Variants in ZC3H12B observed in about 807,000 individuals in gnomAD.
ZC3H12B encodes zinc finger CCCH-type containing 12B.
Under a neutral mutation model 43.9 loss-of-function variants are expected in ZC3H12B, and 7 were observed. That is an observed-to-expected ratio of 0.16 (90% CI 0.09 to 0.30). The LOEUF (loss-of-function observed/expected upper bound fraction) is 0.30, where lower values mean the gene tolerates loss of function less well. ZC3H12B is among the 10% of genes least tolerant of loss of function. ZC3H12B has a pLI of 1.00. For missense variants in ZC3H12B, 475 were observed against 670.2 expected (o/e 0.71, Z 3.22); for synonymous variants, 222 against 241.7 (o/e 0.92, Z 0.76).
chrX:65,119,948 G>A, the ZC3H12B span, among the ~76,000 whole-genome samples: 3 of 111,769 alleles, frequency 2.7e-5, no homozygotes, highest in African/African-American at 9.8e-5. Flanking sequence ...TCAAAGATCA[G>A]ATGGTTGTAG....
At chrX:65,189,862 A>G in the ZC3H12B span, among the ~76,000 whole-genome samples, 1 of 109,694 alleles carries the variant, frequency 9.1e-6, no homozygotes, top group Non-Finnish European at 1.9e-5. Flanking sequence ...TTGGACATGA[A>G]GTCCTTGCCC....
At chrX:65,408,258 G>A in intron 3 of ZC3H12B, 1 of 1,166,874 alleles carries the variant, frequency 8.6e-7, no homozygotes, top group Non-Finnish European at 1.2e-6. Flanking sequence ...GAAATGCAGA[G>A]GCACTATGTG....
chrX:65,102,728 CAG>C, the ZC3H12B span, among the ~76,000 whole-genome samples: 1 of 111,135 alleles, frequency 9.0e-6, no homozygotes, highest in Non-Finnish European at 1.9e-5. Flanking sequence ...TCTCAAGTAT[CAG>C]GGGAACCCGT....
intron 3 of ZC3H12B, among the ~76,000 whole-genome samples, chrX:65,450,250 G>A (rs1222584999): frequency 1.0e-5 from 1 of 99,265 alleles, no homozygotes; most frequent in African/African-American, 3.7e-5. Context: ...GTTGCAGTGA[G>A]CTGAAATCAT....
chrX:65,379,790 T>C (rs944447297), intron 2 of ZC3H12B, among the ~76,000 whole-genome samples: 4 of 111,525 alleles, frequency 3.6e-5, no homozygotes, highest in Non-Finnish European at 7.5e-5. Context: ...AAAACAAGGC[T>C]CAAGAACTAC....
intron 3 of ZC3H12B, among the ~76,000 whole-genome samples, chrX:65,405,102 G>A (rs903531562): frequency 1.1e-4 from 12 of 111,869 alleles, no homozygotes; most frequent in African/African-American, 3.6e-4. Context: ...CCTGAATGAC[G>A]AGTGGGTCGA....
At chrX:65,189,875 G>A in the ZC3H12B span, among the ~76,000 whole-genome samples, 2 of 109,215 alleles carry the variant, frequency 1.8e-5, no homozygotes, top group Non-Finnish European at 3.8e-5. Flanking sequence ...CCTTGCCCAT[G>A]CCTATGTCCT....
At chrX:65,449,447 C>A (rs941324432) in intron 3 of ZC3H12B, among the ~76,000 whole-genome samples, 2 of 110,412 alleles carry the variant, frequency 1.8e-5, no homozygotes, top group African/African-American at 6.6e-5. Context: ...GGCAAAACCC[C>A]CTCTGTAGTA....
exon 3 of ZC3H12B, chrX:65,499,153 C>T: frequency 1.7e-6 from 2 of 1,211,064 alleles, no homozygotes; most frequent in Admixed American, 2.2e-5. Context: ...ATGATAACTA[C>T]CGAGACCTTC....
At chrX:65,450,922 C>T (rs1477129379) in intron 3 of ZC3H12B, among the ~76,000 whole-genome samples, 2 of 91,526 alleles carry the variant, frequency 2.2e-5, no homozygotes, top group South Asian at 4.9e-4. Context: ...CACACACACA[C>T]ATATATATAT....
chrX:65,132,923 C>G, the ZC3H12B span, among the ~76,000 whole-genome samples: 1 of 111,587 alleles, frequency 9.0e-6, no homozygotes, highest in Admixed American at 9.4e-5. Context: ...CTGAGAAGAT[C>G]TGGGAAGGAG....
At chrX:65,468,618 G>T (rs1298043215) in intron 3 of ZC3H12B, among the ~76,000 whole-genome samples, 1 of 103,866 alleles carries the variant, frequency 9.6e-6, no homozygotes, top group Non-Finnish European at 2.0e-5. Context: ...TGAGTAGCTG[G>T]GACTACAGGT....
intron 3 of ZC3H12B, among the ~76,000 whole-genome samples, chrX:65,456,076 G>A (rs1349063432): frequency 1.8e-5 from 2 of 111,362 alleles, no homozygotes. Flanking sequence ...CAACTAACGA[G>A]CAAAATAACC....
At chrX:65,268,246 C>A in the ZC3H12B span, among the ~76,000 whole-genome samples, 1 of 111,867 alleles carries the variant, frequency 8.9e-6, no homozygotes, top group African/African-American at 3.2e-5. Flanking sequence ...ATGTCAATAA[C>A]GAAGAGACTG....
chrX:65,507,330 A>G (rs745557094), exon 5 of ZC3H12B: 2 of 112,093 alleles, frequency 1.8e-5, no homozygotes, highest in Non-Finnish European at 3.8e-5. Context: ...GCTTATCCTC[A>G]CGTCTGACAC....
At chrX:65,458,535 A>G (rs962864744) in intron 3 of ZC3H12B, among the ~76,000 whole-genome samples, 3 of 112,198 alleles carry the variant, frequency 2.7e-5, no homozygotes, top group Non-Finnish European at 5.6e-5. Flanking sequence ...CAATCAAACT[A>G]GAACTCAGGA....
chrX:65,352,533 T>G, the ZC3H12B span, among the ~76,000 whole-genome samples: 1 of 111,218 alleles, frequency 9.0e-6, no homozygotes, highest in Non-Finnish European at 1.9e-5. Flanking sequence ...TAGGTTTCTT[T>G]TCGGGGGTGA....
At chrX:65,251,444 C>A in the ZC3H12B span, among the ~76,000 whole-genome samples, 1 of 111,323 alleles carries the variant, frequency 9.0e-6, no homozygotes, top group Non-Finnish European at 1.9e-5. Context: ...TCCATATGAA[C>A]TTTATAGTAG....
the ZC3H12B span, among the ~76,000 whole-genome samples, chrX:65,048,484 C>T: frequency 9.0e-6 from 1 of 111,240 alleles, no homozygotes; most frequent in African/African-American, 3.3e-5. Flanking sequence ...TCTGAGGAAC[C>T]TCCATACTGT....
Sources: gnomAD v4.1 joint callset for allele counts (sites outside exome capture counted in the v4.1 genomes callset) on GRCh38, gnomAD v4.1.1 for gene constraint, MANE v1.5 for transcripts, NCBI Gene and HGNC (gene_info 2026-07-23, HGNC 2026-07-21) for gene names.